FLI1: variants seen among roughly 807,000 people sequenced by gnomAD.
FLI1 encodes Fli-1 proto-oncogene, ETS transcription factor, also known as Friend leukemia integration 1 transcription factor.
In FLI1, 13 loss-of-function variants were observed where a neutral mutation model predicts 53.1. The ratio of observed to expected loss-of-function variants is 0.24; its 90% CI spans 0.16 to 0.39. The LOEUF (loss-of-function observed/expected upper bound fraction) is 0.39, where lower values mean the gene tolerates loss of function less well. Among genes scored for constraint, FLI1 ranks in the 10% least tolerant of loss-of-function variants. The pLI is 1.00. For synonymous variants in FLI1, 244 were observed against 236.7 expected, an observed-to-expected ratio of 1.03 and a Z score of -0.28; for missense variants, 424 against 600.5, an observed-to-expected ratio of 0.71 and a Z score of 3.07.
At chr11:128,795,127 A>C (rs941289449) in intron 5 of FLI1, among the ~76,000 whole-genome samples, 1 of 152,234 alleles carries the variant, frequency 6.6e-6, no homozygotes, top group Non-Finnish European at 1.5e-5. Context: ...TAAAGTTTAA[A>C]TTCTTGTATT....
intron 1 of FLI1, among the ~76,000 whole-genome samples, chr11:128,696,929 A>G (rs561529811): frequency 1.1e-4 from 16 of 152,258 alleles, no homozygotes; most frequent in African/African-American, 3.6e-4. Flanking sequence ...GCACAACTCT[A>G]TGTGATTACA....
intron 5 of FLI1, among the ~76,000 whole-genome samples, chr11:128,790,017 C>T (rs1942220190): frequency 6.6e-6 from 1 of 151,230 alleles, no homozygotes; most frequent in African/African-American, 2.4e-5. Flanking sequence ...CTAAGCCATT[C>T]TTAGCAAAAG....
intron 8 of FLI1, 148 bp downstream of exon 8, chr11:128,809,352 C>T: frequency 1.3e-6 from 1 of 744,238 alleles, no homozygotes; most frequent in East Asian, 2.6e-5. Context: ...GTTTCTGGAG[C>T]ATGTGAACAA....
At chr11:128,724,417 A>C (rs960598242) in intron 1 of FLI1, among the ~76,000 whole-genome samples, 2 of 152,176 alleles carry the variant, frequency 1.3e-5, no homozygotes, top group Admixed American at 1.3e-4. Context: ...CAGAAAGCCT[A>C]TTGTGCCAGG....
At chr11:128,795,672 T>G (rs1277487115) in intron 5 of FLI1, among the ~76,000 whole-genome samples, 1 of 149,696 alleles carries the variant, frequency 6.7e-6, no homozygotes, top group Non-Finnish European at 1.5e-5. Flanking sequence ...TGCCTCAGCC[T>G]CCCGAGTAGC....
chr11:128,696,227 G>T lies in FLI1; in HGVS notation c.18+1951G>T, dbSNP rs183593642. 1.5e-4 allele frequency among the ~76,000 whole-genome samples: 23 copies of T among 152,312 alleles called. No homozygotes were observed. The East Asian group carries it at 4.2e-3, about 28-fold the overall frequency. ...GAGCTCCTCCAAACCCTCCCTGTGA[G>T]CAACCTGTCATTCACCTAAGTTACC... On this transcript the variant is annotated intron_variant, in intron 1 of 8. Transcript: ENST00000527786.
At chr11:128,749,553 C>T (rs564745052) in intron 1 of FLI1, among the ~76,000 whole-genome samples, 9 of 152,258 alleles carry the variant, frequency 5.9e-5, no homozygotes, top group East Asian at 3.9e-4. Context: ...CACCTTGTCC[C>T]GGAAGTCACG....
At chr11:128,781,380 C>T (rs1941912343) in intron 4 of FLI1, among the ~76,000 whole-genome samples, 1 of 152,210 alleles carries the variant, frequency 6.6e-6, no homozygotes, top group African/African-American at 2.4e-5. Context: ...TGGCAAAGTA[C>T]AAGCTGCAGG....
intron 4 of FLI1, among the ~76,000 whole-genome samples, chr11:128,777,210 G>A (rs1941757628): frequency 6.6e-6 from 1 of 152,206 alleles, no homozygotes; most frequent in Admixed American, 6.5e-5. Flanking sequence ...CAGGCTCAGG[G>A]CCGCTGGGGG....
intron 5 of FLI1, among the ~76,000 whole-genome samples, chr11:128,782,613 G>A (rs1376379392): frequency 1.3e-5 from 2 of 152,100 alleles, no homozygotes; most frequent in African/African-American, 2.4e-5. Context: ...CATGAGAATC[G>A]CTTGGACCCA....
At chr11:128,731,630 G>A (rs567825594) in intron 1 of FLI1, among the ~76,000 whole-genome samples, 2 of 152,312 alleles carry the variant, frequency 1.3e-5, no homozygotes, top group South Asian at 2.1e-4. Context: ...AAAGTTCATA[G>A]CCATGTGCTG....
chr11:128,700,983 G>A (rs182107668), intron 1 of FLI1, among the ~76,000 whole-genome samples: 20 of 152,250 alleles, frequency 1.3e-4, no homozygotes, highest in African/African-American at 3.4e-4. Context: ...CAAATCCTTC[G>A]TACTCTCTTC....
Position 128,694,542 on chromosome 11 carries a change from CG to C in FLI1, c.18+270del, listed in dbSNP as rs78144348. On this transcript the variant is annotated intron_variant, in intron 1 of 8. Transcript: ENST00000527786. ...GCCCCCCTCCCACCTCGCTGCCCGCCGGGGCTGCAGGAGGGGACGGCGGGAA... is the reference window on the plus strand; with the variant it reads ...GCCCCCCTCCCACCTCGCTGCCCGCCGGGCTGCAGGAGGGGACGGCGGGAA... Among the ~76,000 whole-genome samples the C allele has an allele frequency of 1, 152,107 of 152,150 alleles. 76,032 individuals are homozygous for C. Among genetic ancestry groups the C allele is most frequent in the Middle Eastern group, 1 (294 of 294 alleles).
At chr11:128,773,292 AATAG>A (rs1435725466) in intron 4 of FLI1, among the ~76,000 whole-genome samples, 2 of 152,180 alleles carry the variant, frequency 1.3e-5, no homozygotes, top group Non-Finnish European at 2.9e-5. Flanking sequence ...CCAATTTGAA[AATAG>A]ATAGAGATGG....
intron 1 of FLI1, among the ~76,000 whole-genome samples, chr11:128,705,097 C>T (rs1444871460): frequency 6.6e-6 from 1 of 152,214 alleles, no homozygotes; most frequent in Non-Finnish European, 1.5e-5. Flanking sequence ...TGATACATCA[C>T]CAGATTGATA....
upstream of FLI1, among the ~76,000 whole-genome samples, chr11:128,690,518 G>A (rs1591720662): frequency 6.6e-6 from 1 of 152,194 alleles, no homozygotes; most frequent in African/African-American, 2.4e-5. Flanking sequence ...GGGTCAAAAG[G>A]GCTGACATTG....
At chr11:128,782,111 G>A in intron 5 of FLI1, 88 bp downstream of exon 5, 1 of 1,228,234 alleles carries the variant, frequency 8.1e-7, no homozygotes, top group Non-Finnish European at 1.2e-6. Flanking sequence ...CAGAAAACCA[G>A]CTTGCGTGTT....
chr11:128,777,251 C>T lies in FLI1; in HGVS notation c.589+4266C>T, dbSNP rs564490941. 3.5e-3 allele frequency among the ~76,000 whole-genome samples: 532 copies of T among 152,134 alleles called. 1 individual carries two copies. The highest frequency in any genetic ancestry group is 0.01 in the Middle Eastern group (3 of 294). On this transcript the variant is annotated intron_variant, in intron 4 of 8. Transcript: ENST00000527786. Reference sequence around the variant, plus strand: ...TGCGCAAGGCTGGGAGCCCCGAGGCCCCGGGGGAGGTGGGGAGGCAGAAAG... The same window carrying T: ...TGCGCAAGGCTGGGAGCCCCGAGGCTCCGGGGGAGGTGGGGAGGCAGAAAG...
In FLI1 at chr11:128,761,339, T is replaced by C. The variant is rs191946881; in HGVS notation, c.230+3013T>C. ...TGGCCACCTGATCGAAACCAGCGCCTCCTCACTCTTTACCCTGCTTAGAGT... is the reference window on the plus strand; with the variant it reads ...TGGCCACCTGATCGAAACCAGCGCCCCCTCACTCTTTACCCTGCTTAGAGT... On this transcript the variant is annotated intron_variant, in intron 2 of 8. Coordinates refer to ENST00000527786, the MANE Select transcript of FLI1 (RefSeq NM_002017.5). Among the ~76,000 whole-genome samples the C allele has an allele frequency of 3.0e-4, 45 of 152,324 alleles. 1 individual carries two copies. In the East Asian group the frequency reaches 7.9e-3, roughly 27 times the overall value.
Sources: gnomAD v4.1 joint callset for allele counts (sites outside exome capture counted in the v4.1 genomes callset) on GRCh38, gnomAD v4.1.1 for gene constraint, MANE v1.5 for transcripts, NCBI Gene and HGNC (gene_info 2026-07-23, HGNC 2026-07-21) for gene names.